The following PPP6R3 variants were observed in gnomAD, a reference collection of about 807,000 sequenced individuals.
The protein encoded by PPP6R3 is serine/threonine-protein phosphatase 6 regulatory subunit 3.
In PPP6R3, 38 loss-of-function variants were observed where a neutral mutation model predicts 110.7. The ratio of observed to expected loss-of-function variants is 0.34; its 90% confidence interval spans 0.26 to 0.45. PPP6R3 has a LOEUF of 0.45. Among genes scored for constraint, PPP6R3 ranks in the 20% least tolerant of loss-of-function variants. The pLI is 1.00. For missense variants in PPP6R3, 870 were observed against 1,062.4 expected, an observed-to-expected ratio of 0.82 and a Z score of 2.52; for synonymous variants, 369 against 373.5, an observed-to-expected ratio of 0.99 and a Z score of 0.14.
chr11:68,613,659 T>A lies in PPP6R3; in HGVS notation c.*542T>A, dbSNP rs1250986627. On this transcript the variant is annotated 3_prime_UTR_variant, in exon 24 of 24. Coordinates refer to ENST00000393800, the MANE Select transcript of PPP6R3 (RefSeq NM_001164161.2). The stretch of plus-strand genomic sequence containing the variant: ...CAAAAGTGATTTTGAATAAGAAATA[T>A]TTGGTGTTCTTTTTATAACCAGTTT... 2 of 985,024 alleles carry A rather than the reference T, an allele frequency of 2.0e-6. No homozygotes were observed. Among genetic ancestry groups the A allele is most frequent in the African/African-American group, 3.5e-5 (2 of 57,230 alleles). The allele number at this position is 985,024 out of a possible 1,614,324, so 61.0% of individuals were successfully genotyped here. A position where few individuals can be genotyped will look rare whatever the true frequency, so the allele number is the denominator to read the frequency against.
chr11:68,463,610 C>T (rs1170808036), intron 1 of PPP6R3, among the ~76,000 whole-genome samples: 1 of 152,144 alleles, frequency 6.6e-6, no homozygotes, highest in Admixed American at 6.5e-5. Context: ...TAAAGCTCTT[C>T]TATCTGCTCA....
intron 12 of PPP6R3, among the ~76,000 whole-genome samples, chr11:68,573,155 A>ATATATATAAT (rs1565936429): frequency 1.7e-4 from 5 of 29,574 alleles, no homozygotes; most frequent in East Asian, 1.0e-3. Flanking sequence ...TATATATATA[A>ATATATATAAT]TTTTTTTTTT....
rs928006759 is a variant in PPP6R3 at position 68,613,210 on chromosome 11, G to A, written c.*93G>A. On this transcript the variant is annotated 3_prime_UTR_variant, in exon 24 of 24. Coordinates refer to ENST00000393800, the MANE Select transcript of PPP6R3 (RefSeq NM_001164161.2). Reference sequence around the variant, plus strand: ...AGCTGGAGCCCACCAAGCTGTCACTGCTGCACTCACTCTGCAAGGGATCAG... The same window carrying A: ...AGCTGGAGCCCACCAAGCTGTCACTACTGCACTCACTCTGCAAGGGATCAG... 8.3e-6 allele frequency: 13 copies of A among 1,559,184 alleles called. No homozygotes were observed. The highest frequency in any genetic ancestry group is 1.2e-5 in the South Asian group (1 of 84,556).
chr11:68,483,164 T>C lies in PPP6R3; in HGVS notation c.-158+22337T>C, dbSNP rs149406554. ...TTTGTCTTTGCAAGTAAAGTACAAA[T>C]GTTTAAGCAAAGGGAAGAAAACTTT... On this transcript the variant is annotated intron_variant, in intron 1 of 23. Coordinates refer to ENST00000393800, the MANE Select transcript of PPP6R3 (RefSeq NM_001164161.2). Among the ~76,000 whole-genome samples, 8 of 152,332 alleles carry C rather than the reference T, an allele frequency of 5.3e-5. No individual in the cohort carries two copies. The East Asian group carries it at 1.5e-3, about 29-fold the overall frequency.
intron 13 of PPP6R3, 30 bp downstream of exon 13, chr11:68,574,254 T>G (rs3740631): frequency 0.25 from 384,156 of 1,564,044 alleles, 48,546 homozygotes; most frequent in Middle Eastern, 0.3. Context: ...TGAATTACAT[T>G]TTTGTTGGGT....
intron 15 of PPP6R3, among the ~76,000 whole-genome samples, chr11:68,584,721 A>G (rs2099572793): frequency 6.6e-6 from 1 of 152,184 alleles, no homozygotes; most frequent in Non-Finnish European, 1.5e-5. Flanking sequence ...GTACGAAGCC[A>G]TTTCATTCAC....
intron 5 of PPP6R3, among the ~76,000 whole-genome samples, chr11:68,548,717 G>C (rs2099358889): frequency 6.6e-6 from 1 of 152,166 alleles, no homozygotes; most frequent in Admixed American, 6.5e-5. Context: ...AGTTTACTTT[G>C]AGAAGGACAT....
chr11:68,494,052 G>A (rs1426163816), intron 1 of PPP6R3, among the ~76,000 whole-genome samples: 4 of 147,672 alleles, frequency 2.7e-5, no homozygotes, highest in Non-Finnish European at 5.9e-5. Flanking sequence ...GCAGTGGGCC[G>A]AGATTGCGCC....
At chr11:68,503,200 C>G (rs2153489507) in intron 1 of PPP6R3, among the ~76,000 whole-genome samples, 1 of 152,274 alleles carries the variant, frequency 6.6e-6, no homozygotes, top group South Asian at 2.1e-4. Flanking sequence ...CCTCAGCCTC[C>G]CAAAGTGCTG....
At chr11:68,507,415 G>A (rs1029535444) in intron 1 of PPP6R3, among the ~76,000 whole-genome samples, 1 of 152,024 alleles carries the variant, frequency 6.6e-6, no homozygotes, top group Non-Finnish European at 1.5e-5. Flanking sequence ...ATGGGAATTA[G>A]GTTATTTATC....
rs142610941 is a variant in PPP6R3, at chr11:68,612,790, T to G, written c.2571-276T>G. 1.1e-3 allele frequency: 499 copies of G among 474,360 alleles called. 4 individuals are homozygous for G. Among genetic ancestry groups the G allele is most frequent in the African/African-American group, 8.1e-3 (410 of 50,336 alleles). The allele number at this position is 474,360 out of a possible 1,614,324, so 29.4% of individuals were successfully genotyped here. A position where few individuals can be genotyped will look rare whatever the true frequency, so the allele number is the denominator to read the frequency against. On this transcript the variant is annotated intron_variant, in intron 23 of 23. Transcript: ENST00000393800. ...CACTGACCTAGTCACTCCCTGTGCT[T>G]CTTGGAGGCCGCGGTGGGGCGGTTC... is the stretch of plus-strand genomic sequence containing the variant.
intron 1 of PPP6R3, among the ~76,000 whole-genome samples, chr11:68,461,213 C>T (rs1316496162): frequency 6.6e-6 from 1 of 151,512 alleles, no homozygotes; most frequent in Admixed American, 6.6e-5. Context: ...CCCCGCCCGG[C>T]CCGCGCCCGG....
intron 14 of PPP6R3, among the ~76,000 whole-genome samples, chr11:68,580,927 G>A (rs1261263419): frequency 2.6e-5 from 4 of 151,606 alleles, no homozygotes; most frequent in African/African-American, 7.3e-5. Flanking sequence ...ACCCGCCACC[G>A]TGCCCGGCTA....
chr11:68,564,171 GCTTTTTTCCTAGC>G, intron 8 of PPP6R3, 119 bp from the exon 9 acceptor site: 1 of 936,644 alleles, frequency 1.1e-6, no homozygotes, highest in Non-Finnish European at 1.6e-6. Flanking sequence ...GCCTCATTAT[GCTTTTTTCCTAGC>G]CTTTTTTCCC....
At chr11:68,561,370 G>A (rs2099419176) in intron 8 of PPP6R3, among the ~76,000 whole-genome samples, 1 of 152,090 alleles carries the variant, frequency 6.6e-6, no homozygotes, top group Non-Finnish European at 1.5e-5. Context: ...AAGTCATTGG[G>A]ACTAGGTGAA....
intron 1 of PPP6R3, among the ~76,000 whole-genome samples, chr11:68,485,704 T>C (rs1591822411): frequency 6.6e-6 from 1 of 151,348 alleles, no homozygotes; most frequent in African/African-American, 2.4e-5. Context: ...TAAAAAATTA[T>C]TTATTTTGAG....
intron 1 of PPP6R3, among the ~76,000 whole-genome samples, chr11:68,513,103 AG>A (rs2099118754): frequency 6.6e-6 from 1 of 152,060 alleles, no homozygotes; most frequent in East Asian, 1.9e-4. Flanking sequence ...ACTGAGTTAG[AG>A]ACCACTGGCG....
intron 14 of PPP6R3, among the ~76,000 whole-genome samples, chr11:68,578,259 G>A (rs187751972): frequency 9.3e-4 from 142 of 152,254 alleles, no homozygotes; most frequent in Non-Finnish European, 1.6e-3. Flanking sequence ...AGGAAAATAC[G>A]CAATTGTAAA....
chr11:68,566,328 T>TTCCTCC (rs374175545), intron 9 of PPP6R3, among the ~76,000 whole-genome samples: 109 of 151,574 alleles, frequency 7.2e-4, no homozygotes, highest in Non-Finnish European at 9.6e-4. Context: ...CTCCTTCTCT[T>TTCCTCC]TCCTCCTCCT....
Sources: gnomAD v4.1 joint callset for allele counts (sites outside exome capture counted in the v4.1 genomes callset) on GRCh38, gnomAD v4.1.1 for gene constraint, MANE v1.5 for transcripts, NCBI Gene and HGNC (gene_info 2026-07-23, HGNC 2026-07-21) for gene names.